The following ARNT variants were observed in gnomAD, a reference collection of about 807,000 sequenced individuals.
ARNT encodes class E basic helix-loop-helix protein 2.
In ARNT, 30 loss-of-function variants were observed where a neutral mutation model predicts 105.0. The ratio of observed to expected loss-of-function variants is 0.29; its 90% confidence interval spans 0.21 to 0.39. The LOEUF (loss-of-function observed/expected upper bound fraction) is 0.39, where lower values mean the gene tolerates loss of function less well. Ranked by LOEUF, ARNT falls within the 10% of genes least tolerant of loss-of-function variation. The pLI, the probability that ARNT is intolerant of heterozygous loss-of-function variation, is 1.00. For missense variants in ARNT, 748 were observed against 978.7 expected (o/e 0.76, Z 3.15); for synonymous variants, 304 against 344.0 (o/e 0.88, Z 1.29).
intron 13 of ARNT, 131 bp from the exon 14 acceptor site, chr1:150,823,476 T>TAA: frequency 1.3e-6 from 1 of 786,192 alleles, no homozygotes; most frequent in East Asian, 2.8e-5. Flanking sequence ...TTTTCAATAT[T>TAA]AAAACAAAAT....
chr1:150,844,723 TA>T (rs1187406787), intron 4 of ARNT, among the ~76,000 whole-genome samples: 2 of 152,050 alleles, frequency 1.3e-5, no homozygotes, highest in Non-Finnish European at 2.9e-5. Flanking sequence ...TAAAAAAAAG[TA>T]TATTTCATCA....
Position 150,846,327 on chromosome 1 carries a change from T to C in ARNT, c.183-20A>G, listed in dbSNP as rs775080347. On this transcript the variant is annotated intron_variant, in intron 3 of 21. Transcript: ENST00000358595. ...TCACACCTGAAGGAGAGAAAAAGGA[T>C]TGTTTCAAAGCATTACACTTGTTAT... 15 of 1,613,090 alleles carry C rather than the reference T, an allele frequency of 9.3e-6. No individual in the cohort carries two copies. The highest frequency in any genetic ancestry group is 1.3e-5 in the African/African-American group (1 of 74,864).
intron 1 of ARNT, among the ~76,000 whole-genome samples, chr1:150,870,003 T>C (rs1667195311): frequency 6.6e-6 from 1 of 152,164 alleles, no homozygotes; most frequent in Non-Finnish European, 1.5e-5. Context: ...TCAAAAGATA[T>C]CCATTGTACT....
At chr1:150,830,893 G>C (rs1289313930) in intron 10 of ARNT, among the ~76,000 whole-genome samples, 1 of 152,150 alleles carries the variant, frequency 6.6e-6, no homozygotes, top group African/African-American at 2.4e-5. Context: ...ATAGTATATA[G>C]ACTAAGTAGT....
intron 10 of ARNT, chr1:150,830,205 G>C: frequency 2.3e-6 from 1 of 441,036 alleles, no homozygotes; most frequent in East Asian, 4.1e-5. Flanking sequence ...AATTAGCCAG[G>C]CATGGTGGCA....
chr1:150,876,204 C>A (rs1162298645), intron 1 of ARNT, among the ~76,000 whole-genome samples: 2 of 152,306 alleles, frequency 1.3e-5, no homozygotes, highest in African/African-American at 4.8e-5. Context: ...GCGGCTCCAG[C>A]GGGCAGAGGG....
In ARNT at chr1:150,868,699, A is replaced by C. The variant is rs181467686; in HGVS notation, c.25+7844T>G. 4.3e-3 allele frequency among the ~76,000 whole-genome samples: 652 copies of C among 152,082 alleles called. 2 individuals carry two copies. Among genetic ancestry groups the C allele is most frequent in the African/African-American group, 0.015 (627 of 41,476 alleles). Reference sequence around the variant, plus strand: ...GGCAGATCACGAGGTCAGGAGATCGAGACCATCCTGGCCAACATGGTGAAA... The same window carrying C: ...GGCAGATCACGAGGTCAGGAGATCGCGACCATCCTGGCCAACATGGTGAAA... On this transcript the variant is annotated intron_variant, in intron 1 of 21. Coordinates refer to ENST00000358595, the MANE Select transcript of ARNT (RefSeq NM_001668.4).
rs1183789646 is a variant in ARNT at position 150,810,976 on chromosome 1, C to T, written c.*1045G>A. On this transcript the variant is annotated 3_prime_UTR_variant, in exon 22 of 22. Transcript: ENST00000358595. ...TACACTCCAACAATGAGGATTTTCA[C>T]TGGGACGGCTAATCCAAGAAGTTGA... The T allele has an allele frequency of 4.4e-6, 1 of 229,858 alleles. No homozygotes were observed. The highest frequency in any genetic ancestry group is 5.7e-5 in the Admixed American group (1 of 17,662). The allele number at this position is 229,858 out of a possible 1,614,324, so 14.2% of individuals were successfully genotyped here. A position where few individuals can be genotyped will look rare whatever the true frequency, so the allele number is the denominator to read the frequency against.
intron 1 of ARNT, among the ~76,000 whole-genome samples, chr1:150,867,064 A>G (rs1666704260): frequency 6.6e-6 from 1 of 151,944 alleles, no homozygotes; most frequent in Non-Finnish European, 1.5e-5. Context: ...AAAATTAGCC[A>G]GGCGTGGTGG....
At chr1:150,820,154 G>A (rs796639160) in intron 14 of ARNT, among the ~76,000 whole-genome samples, 1 of 152,100 alleles carries the variant, frequency 6.6e-6, no homozygotes, top group African/African-American at 2.4e-5. Context: ...TTGAGTAGGT[G>A]GAATAAAGAC....
intron 14 of ARNT, among the ~76,000 whole-genome samples, chr1:150,821,732 T>C (rs1265053064): frequency 6.6e-6 from 1 of 151,914 alleles, no homozygotes; most frequent in East Asian, 1.9e-4. Flanking sequence ...CACTGCAACC[T>C]CCACCTCCCA....
intron 1 of ARNT, among the ~76,000 whole-genome samples, chr1:150,860,458 C>T (rs587675120): frequency 2.0e-4 from 30 of 151,246 alleles, no homozygotes; most frequent in Non-Finnish European, 3.4e-4. Flanking sequence ...TCAAGTGATC[C>T]GCCCACCTCA....
In ARNT at chr1:150,810,322, TG is replaced by T; in HGVS notation, c.*1698del. The T allele has an allele frequency of 4.3e-6, 1 of 230,892 alleles. No individual in the cohort carries two copies. Among genetic ancestry groups the T allele is most frequent in the Non-Finnish European group, 8.6e-6 (1 of 116,180 alleles). 14.3% of individuals were successfully genotyped at this position (230,892 alleles called of 1,614,324 possible). A position where few individuals can be genotyped will look rare whatever the true frequency, so the allele number is the denominator to read the frequency against. On this transcript the variant is annotated 3_prime_UTR_variant, in exon 22 of 22. Coordinates refer to ENST00000358595, the MANE Select transcript of ARNT (RefSeq NM_001668.4). ...TAATAACTGTACAATATTATAGTCC[TG>T]ATCACATTTAAAAAGTCGATTATTA...
intron 2 of ARNT, among the ~76,000 whole-genome samples, chr1:150,854,174 C>T (rs1036705683): frequency 1.3e-5 from 2 of 152,210 alleles, no homozygotes; most frequent in African/African-American, 2.4e-5. Context: ...CCACCTTGAG[C>T]TCCTGGGCTC....
chr1:150,874,014 A>G (rs1461305643), intron 1 of ARNT, among the ~76,000 whole-genome samples: 3 of 126,554 alleles, frequency 2.4e-5, no homozygotes, highest in Admixed American at 8.6e-5. Flanking sequence ...ACTAACAAGA[A>G]TTGTAAAAAA....
At chr1:150,854,027 A>C (rs1025984371) in intron 2 of ARNT, among the ~76,000 whole-genome samples, 2 of 152,136 alleles carry the variant, frequency 1.3e-5, no homozygotes, top group African/African-American at 2.4e-5. Context: ...TAATCTGGTC[A>C]CCTGTAAAAT....
At position 150,817,928 on chromosome 1, in the gene ARNT, C is replaced by T. The variant is rs1300198978; in HGVS notation, c.1497G>A (p.Leu499=). 9.9e-6 allele frequency: 16 copies of T among 1,611,782 alleles called. No individual in the cohort carries two copies. Among genetic ancestry groups the T allele is most frequent in the South Asian group, 4.4e-5 (4 of 90,526 alleles). ...ATTTCACCCTTTTTTACCTGGGTGC[C>T]AGCTGTCCTGAGCCCATCTCCAGGG... The part of the protein sequence containing the change: ...NLPLEMGSGQ[L]APRQQQQQTE... Residue 499 remains leucine (L), a synonymous_variant, in exon 15 of 22, where the codon CTG becomes CTA. Transcript: ENST00000358595.
rs587661131 is a variant in ARNT, at chr1:150,821,651, T to A, written c.1394+1543A>T. Among the ~76,000 whole-genome samples, 102 of 152,204 alleles carry A rather than the reference T, an allele frequency of 6.7e-4. 1 individual carries two copies. Among genetic ancestry groups the A allele is most frequent in the African/African-American group, 2.1e-3 (87 of 41,528 alleles). ...GTATGTATACGTTGTGATACATTTT[T>A]ATTTTTATTTTTTTTGAGATGGAGT... On this transcript the variant is annotated intron_variant, in intron 14 of 21. Transcript: ENST00000358595.
intron 3 of ARNT, among the ~76,000 whole-genome samples, chr1:150,847,834 A>G (rs1662529035): frequency 6.6e-6 from 1 of 152,228 alleles, no homozygotes; most frequent in East Asian, 1.9e-4. Context: ...GAGACCTCTT[A>G]GAGAATTATA....
Sources: allele counts gnomAD v4.1 joint callset (sites outside exome capture counted in the v4.1 genomes callset), GRCh38; gene constraint gnomAD v4.1.1; transcripts MANE v1.5; gene names NCBI Gene and HGNC (gene_info 2026-07-23, HGNC 2026-07-21).